GPC5: variants seen among roughly 807,000 people sequenced by gnomAD.
GPC5 encodes glypican 5.
A neutral mutation model predicts 53.9 loss-of-function variants in GPC5; 47 were observed. The ratio of observed to expected loss-of-function variants is 0.87; its 90% CI spans 0.69 to 1.11. GPC5 has a LOEUF of 1.11. GPC5 is among the 50% of genes most tolerant of loss of function. The probability of loss-of-function intolerance (pLI) is 0.00; values close to 1 mark genes in which losing one functional copy is unlikely to be tolerated. For synonymous variants in GPC5, 286 were observed against 263.3 expected, an observed-to-expected ratio of 1.09 and a Z score of -0.84; for missense variants, 748 against 713.1, an observed-to-expected ratio of 1.05 and a Z score of -0.56.
chr13:92,312,655 A>G (rs987668092), intron 7 of GPC5, among the ~76,000 whole-genome samples: 17 of 152,172 alleles, frequency 1.1e-4, no homozygotes, highest in African/African-American at 3.9e-4. Context: ...TCATCATAAA[A>G]TTGTCATTTG....
chr13:91,691,168 G>A (rs2035750063), intron 2 of GPC5, among the ~76,000 whole-genome samples: 1 of 152,200 alleles, frequency 6.6e-6, no homozygotes, highest in Non-Finnish European at 1.5e-5. Flanking sequence ...GTGGGGTCAG[G>A]TTATCATAGT....
At chr13:91,595,739 C>T (rs2032970953) in intron 2 of GPC5, among the ~76,000 whole-genome samples, 1 of 152,184 alleles carries the variant, frequency 6.6e-6, no homozygotes, top group African/African-American at 2.4e-5. Flanking sequence ...TTTTTCAGCT[C>T]TTCTTTACAG....
intron 7 of GPC5, among the ~76,000 whole-genome samples, chr13:92,604,695 A>G (rs1338696910): frequency 6.6e-6 from 1 of 152,200 alleles, no homozygotes; most frequent in Non-Finnish European, 1.5e-5. Flanking sequence ...GCATTTATAT[A>G]GTGTATTAAA....
intron 7 of GPC5, among the ~76,000 whole-genome samples, chr13:92,480,116 T>G (rs1566608957): frequency 6.6e-6 from 1 of 152,032 alleles, no homozygotes; most frequent in Non-Finnish European, 1.5e-5. Flanking sequence ...GAGCCCCATC[T>G]CTACAAAAAT....
intron 5 of GPC5, among the ~76,000 whole-genome samples, chr13:91,789,209 T>C (rs1415126911): frequency 7.1e-6 from 1 of 139,908 alleles, no homozygotes; most frequent in Non-Finnish European, 1.5e-5. Context: ...CTAAAGTCCA[T>C]CTCAAAAAAG....
intron 1 of GPC5, among the ~76,000 whole-genome samples, chr13:91,432,438 A>G (rs1347644461): frequency 6.6e-6 from 1 of 152,188 alleles, no homozygotes; most frequent in Non-Finnish European, 1.5e-5. Flanking sequence ...AAACTTAAGT[A>G]TGTGGTTTTG....
At chr13:91,617,738 G>A (rs1344522851) in intron 2 of GPC5, among the ~76,000 whole-genome samples, 2 of 151,812 alleles carry the variant, frequency 1.3e-5, no homozygotes, top group African/African-American at 2.4e-5. Context: ...AACAAAACAG[G>A]AAAAGTCTTA....
intron 6 of GPC5, chr13:92,059,965 T>A (rs910252556): frequency 3.3e-5 from 5 of 150,848 alleles, no homozygotes; most frequent in African/African-American, 4.9e-5. Flanking sequence ...GCAATTATTT[T>A]AAAAAATAAA....
At chr13:92,761,054 T>C (rs1405140720) in intron 7 of GPC5, among the ~76,000 whole-genome samples, 1 of 152,156 alleles carries the variant, frequency 6.6e-6, no homozygotes. Context: ...ATATAAGGGT[T>C]GTTTTGCGGC....
In GPC5 at chr13:91,674,321, T is replaced by C. The variant is rs552117368; in HGVS notation, c.326-18866T>C. The stretch of plus-strand genomic sequence containing the variant: ...GTGTGGATGGACCTCATCTAATCCA[T>C]TGAAGGCCCAAGGCAATATTTTCTC... On this transcript the variant is annotated intron_variant, in intron 2 of 7. Transcript: ENST00000377067. Among the ~76,000 whole-genome samples, 354 of 152,008 alleles carry C rather than the reference T, an allele frequency of 2.3e-3. 2 individuals are homozygous for C. The highest frequency in any genetic ancestry group is 8.0e-3 in the African/African-American group (330 of 41,446).
chr13:91,734,067 C>CCTAAAAGCACTCCCTGA (rs1392742210), intron 4 of GPC5, among the ~76,000 whole-genome samples: 6 of 151,760 alleles, frequency 4.0e-5, no homozygotes, highest in African/African-American at 1.5e-4. Context: ...AAGGCCTTTT[C>CCTAAAAGCACTCCCTGA]TGCATCTGTT....
intron 6 of GPC5, among the ~76,000 whole-genome samples, chr13:92,133,345 G>A (rs1338739410): frequency 6.6e-6 from 1 of 152,140 alleles, no homozygotes; most frequent in Non-Finnish European, 1.5e-5. Flanking sequence ...CGTACTAAAT[G>A]GGATCAGAAT....
At chr13:91,846,584 T>C (rs1175147539) in intron 5 of GPC5, among the ~76,000 whole-genome samples, 2 of 151,988 alleles carry the variant, frequency 1.3e-5, no homozygotes, top group East Asian at 1.9e-4. Flanking sequence ...AGTACTAGTA[T>C]GACTAGGCTT....
intron 7 of GPC5, among the ~76,000 whole-genome samples, chr13:92,763,800 C>T (rs1329623197): frequency 6.6e-6 from 1 of 152,186 alleles, no homozygotes; most frequent in East Asian, 1.9e-4. Flanking sequence ...GAGAAGGACA[C>T]AGCACTGGCC....
chr13:91,962,038 T>C (rs1435325802), intron 6 of GPC5, among the ~76,000 whole-genome samples: 1 of 152,154 alleles, frequency 6.6e-6, no homozygotes, highest in Non-Finnish European at 1.5e-5. Flanking sequence ...AGAGATTACC[T>C]TTGAAAACTA....
chr13:92,833,860 C>T (rs964929934), intron 7 of GPC5, among the ~76,000 whole-genome samples: 2 of 152,054 alleles, frequency 1.3e-5, no homozygotes, highest in Non-Finnish European at 2.9e-5. Context: ...TTAGTATATC[C>T]GTAAGAGTTA....
At chr13:91,678,139 G>C (rs942022096) in intron 2 of GPC5, among the ~76,000 whole-genome samples, 4 of 152,160 alleles carry the variant, frequency 2.6e-5, no homozygotes, top group Admixed American at 6.6e-5. Context: ...TTATTAAACT[G>C]TCTGTAACTT....
At chr13:91,659,795 G>A (rs1158285117) in intron 2 of GPC5, among the ~76,000 whole-genome samples, 1 of 152,170 alleles carries the variant, frequency 6.6e-6, no homozygotes, top group Non-Finnish European at 1.5e-5. Flanking sequence ...ACACCTCTGT[G>A]TAACACCCTC....
intron 7 of GPC5, among the ~76,000 whole-genome samples, chr13:92,781,991 T>C (rs1227883554): frequency 1.3e-5 from 2 of 151,770 alleles, no homozygotes; most frequent in African/African-American, 4.8e-5. Flanking sequence ...ATTTAATATA[T>C]TGTGAATGGC....
Sources: allele counts gnomAD v4.1 joint callset (sites outside exome capture counted in the v4.1 genomes callset), GRCh38; gene constraint gnomAD v4.1.1; transcripts MANE v1.5; gene names NCBI Gene and HGNC (gene_info 2026-07-23, HGNC 2026-07-21).